Variants in HUNK observed in about 807,000 individuals in gnomAD.
HUNK encodes hormonally up-regulated neu tumor-associated kinase.
HUNK carries 21 observed loss-of-function variants against 61.0 expected under a neutral mutation model. That is an observed-to-expected ratio of 0.34 (90% CI 0.24 to 0.50). The LOEUF (loss-of-function observed/expected upper bound fraction) is 0.50. Ranked by LOEUF, HUNK falls within the 20% of genes least tolerant of loss-of-function variation. The probability of loss-of-function intolerance (pLI) is 0.98; values close to 1 mark genes in which losing one functional copy is unlikely to be tolerated. For synonymous variants in HUNK, 371 were observed against 386.1 expected (o/e 0.96, Z 0.46); for missense variants, 772 against 945.7 (o/e 0.82, Z 2.41).
intron 8 of HUNK, 59 bp downstream of exon 8, chr21:31,983,668 AGT>A: frequency 8.0e-7 from 1 of 1,255,202 alleles, no homozygotes; most frequent in Non-Finnish European, 1.2e-6. Flanking sequence ...TTCCATTTGC[AGT>A]AATTGGAAAA....
At chr21:31,909,554 T>A (rs2052531647) in intron 1 of HUNK, among the ~76,000 whole-genome samples, 1 of 152,142 alleles carries the variant, frequency 6.6e-6, no homozygotes, top group South Asian at 2.1e-4. Flanking sequence ...GAAGGAAACT[T>A]TTTCCCTCAA....
At chr21:31,936,790 C>T (rs1021343306) in intron 2 of HUNK, among the ~76,000 whole-genome samples, 14 of 151,966 alleles carry the variant, frequency 9.2e-5, no homozygotes, top group African/African-American at 3.1e-4. Context: ...TTCTTCTAAT[C>T]ACTGTGGTTG....
intron 1 of HUNK, among the ~76,000 whole-genome samples, chr21:31,913,264 G>T (rs1354127907): frequency 6.6e-6 from 1 of 152,116 alleles, no homozygotes; most frequent in Non-Finnish European, 1.5e-5. Flanking sequence ...CCAGTGGCGG[G>T]TGGGAATTGG....
At chr21:31,983,405 T>G in intron 7 of HUNK, 121 bp from the exon 8 acceptor site, 1 of 765,006 alleles carries the variant, frequency 1.3e-6, no homozygotes, top group Non-Finnish European at 2.2e-6. Flanking sequence ...TGCAATTTAC[T>G]GGACTGCCAA....
intron 8 of HUNK, among the ~76,000 whole-genome samples, chr21:31,988,442 C>T (rs2053148477): frequency 6.6e-6 from 1 of 152,164 alleles, no homozygotes; most frequent in African/African-American, 2.4e-5. Flanking sequence ...GAGAGGGTGG[C>T]AGGGAACTGG....
intron 4 of HUNK, among the ~76,000 whole-genome samples, chr21:31,957,490 G>A (rs2052897467): frequency 6.6e-6 from 1 of 152,204 alleles, no homozygotes; most frequent in Non-Finnish European, 1.5e-5. Context: ...AGGTGCCTCT[G>A]TGGAATTGGG....
At chr21:31,903,772 T>C (rs901703397) in intron 1 of HUNK, among the ~76,000 whole-genome samples, 1 of 152,242 alleles carries the variant, frequency 6.6e-6, no homozygotes, top group Non-Finnish European at 1.5e-5. Flanking sequence ...CTGTGCTATT[T>C]CTGCATGTTC....
At chr21:31,942,857 C>A (rs969026982) in intron 3 of HUNK, among the ~76,000 whole-genome samples, 7 of 142,668 alleles carry the variant, frequency 4.9e-5, no homozygotes, top group Non-Finnish European at 7.6e-5. Context: ...GGAACCCTAC[C>A]TCATACCTGC....
chr21:31,948,063 A>G (rs1364811772), intron 4 of HUNK, among the ~76,000 whole-genome samples: 1 of 152,224 alleles, frequency 6.6e-6, no homozygotes, highest in Non-Finnish European at 1.5e-5. Context: ...TTATGGAAGA[A>G]GAAACCCATC....
rs200191657 is a variant in HUNK at position 31,999,154 on chromosome 21, C to T, written c.2115C>T (p.Asp705=). The change falls in exon 11 of 11, where the codon GAC becomes GAT. Residue 705 remains aspartate (D), a synonymous_variant. Coordinates refer to ENST00000270112, the MANE Select transcript of HUNK (RefSeq NM_014586.2). ...TAGCCCCTGTGAACCTTGCCTTTGA[C>T]ATGGCCGATGGGGTCAAGACCCAGT... ...QPLAPVNLAF[D]MADGVKTQC The T allele has an allele frequency of 1.2e-6, 2 of 1,612,696 alleles. No individual in the cohort carries two copies. The highest frequency in any genetic ancestry group is 1.7e-6 in the Non-Finnish European group (2 of 1,179,280).
chr21:31,878,328 C>A (rs1318445809), intron 1 of HUNK, among the ~76,000 whole-genome samples: 1 of 149,714 alleles, frequency 6.7e-6, no homozygotes, highest in Non-Finnish European at 1.5e-5. Context: ...AATGAAGCAA[C>A]TTAGAAACCA....
Position 32,000,009 on chromosome 21 carries a change from G to T in HUNK, c.*825G>T, listed in dbSNP as rs570369513. ...AGTGTGGAGAGCAAAAAAGCTGACT[G>T]TGGTGATTTGCTGAGTGCTGTGGCC... On this transcript the variant is annotated 3_prime_UTR_variant, in exon 11 of 11. Transcript: ENST00000270112. 14 of 397,246 alleles carry T rather than the reference G, an allele frequency of 3.5e-5. No homozygotes were observed. The highest frequency in any genetic ancestry group is 6.2e-5 in the Non-Finnish European group (14 of 225,794). The allele number at this position is 397,246 out of a possible 1,614,324, so 24.6% of individuals were successfully genotyped here. A position where few individuals can be genotyped will look rare whatever the true frequency, so the allele number is the denominator to read the frequency against.
chr21:31,917,021 C>A (rs1352987522), intron 1 of HUNK, among the ~76,000 whole-genome samples: 1 of 152,104 alleles, frequency 6.6e-6, no homozygotes, highest in Admixed American at 6.6e-5. Context: ...ATTTCGTTAT[C>A]TCTGTAGCTG....
chr21:31,994,258 G>T (rs548805872), intron 9 of HUNK, among the ~76,000 whole-genome samples: 3 of 152,294 alleles, frequency 2.0e-5, no homozygotes, highest in Non-Finnish European at 2.9e-5. Flanking sequence ...TCAGCTACAG[G>T]CCAGGGCCCT....
intron 4 of HUNK, among the ~76,000 whole-genome samples, chr21:31,951,361 A>G (rs925019921): frequency 2.6e-5 from 4 of 152,304 alleles, no homozygotes; most frequent in African/African-American, 9.6e-5. Flanking sequence ...ACTTTAATGC[A>G]GATGTGCTTT....
intron 5 of HUNK, among the ~76,000 whole-genome samples, chr21:31,967,517 A>T (rs1173748333): frequency 6.6e-6 from 1 of 152,156 alleles, no homozygotes; most frequent in Non-Finnish European, 1.5e-5. Context: ...GCTTGAATGG[A>T]CAAGTGCTCT....
Position 31,956,727 on chromosome 21 carries a change from G to A in HUNK, c.747-2116G>A, listed in dbSNP as rs915793838. Among the ~76,000 whole-genome samples the A allele has an allele frequency of 1.5e-4, 23 of 152,202 alleles. 1 individual carries two copies. In the East Asian group the frequency reaches 4.1e-3, roughly 27 times the overall value. On this transcript the variant is annotated intron_variant, in intron 4 of 10. Coordinates refer to ENST00000270112, the MANE Select transcript of HUNK (RefSeq NM_014586.2). ...CCTTTCTGTTGCGTGCCATCATTCC[G>A]ATTCCGATTTTAACAGCAACCTGCT...
Position 31,905,368 on chromosome 21 carries a change from G to T in HUNK, c.262-19100G>T, listed in dbSNP as rs113940150. Among the ~76,000 whole-genome samples the T allele has an allele frequency of 5.0e-3, 769 of 152,300 alleles. 7 individuals are homozygous for T. Among genetic ancestry groups the T allele is most frequent in the African/African-American group, 0.017 (725 of 41,548 alleles). Reference sequence around the variant, plus strand: ...TCCTTTCAAAATTGTAAGACAGTAAGCCACACAGTCGGTGATACTTTGTTG... The same window carrying T: ...TCCTTTCAAAATTGTAAGACAGTAATCCACACAGTCGGTGATACTTTGTTG... On this transcript the variant is annotated intron_variant, in intron 1 of 10. Coordinates refer to ENST00000270112, the MANE Select transcript of HUNK (RefSeq NM_014586.2).
At chr21:31,983,649 A>C (rs1250834130) in intron 8 of HUNK, 40 bp downstream of exon 8, 2 of 1,417,472 alleles carry the variant, frequency 1.4e-6, no homozygotes, top group Non-Finnish European at 2.0e-6. Flanking sequence ...TCTCTTAGGA[A>C]GGGTGGATTT....
Sources: gnomAD v4.1 joint callset for allele counts (sites outside exome capture counted in the v4.1 genomes callset) on GRCh38, gnomAD v4.1.1 for gene constraint, MANE v1.5 for transcripts, NCBI Gene and HGNC (gene_info 2026-07-23, HGNC 2026-07-21) for gene names.